GIGYF2: variants seen among roughly 807,000 people sequenced by gnomAD.
The protein encoded by GIGYF2 is GRB10 interacting GYF protein 2.
A neutral mutation model predicts 208.1 loss-of-function variants in GIGYF2; 25 were observed. The ratio of observed to expected loss-of-function variants is 0.12; its 90% CI spans 0.09 to 0.17. GIGYF2 has a LOEUF of 0.17. Ranked by LOEUF, GIGYF2 falls within the 10% of genes least tolerant of loss-of-function variation. The pLI is 1.00. For missense variants in GIGYF2, 1,302 were observed against 1,579.4 expected (o/e 0.82, Z 2.98); for synonymous variants, 534 against 543.8 (o/e 0.98, Z 0.25).
At chr2:232,711,724 T>TATATATATATATATAC in intron 2 of GIGYF2, among the ~76,000 whole-genome samples, 1 of 148,264 alleles carries the variant, frequency 6.7e-6, no homozygotes, top group East Asian at 2.0e-4. Context: ...TATATATATA[T>TATATATATATATATAC]ATAGTTGTAA....
chr2:232,833,608 A>G (rs1466554291), intron 22 of GIGYF2, among the ~76,000 whole-genome samples: 1 of 152,230 alleles, frequency 6.6e-6, no homozygotes, highest in Non-Finnish European at 1.5e-5. Context: ...AGGCAAAACA[A>G]GTAAATCTGT....
At chr2:232,729,885 C>A (rs1365221198) in intron 2 of GIGYF2, 3 of 739,242 alleles carry the variant, frequency 4.1e-6, no homozygotes, top group Non-Finnish European at 7.6e-6. Flanking sequence ...CCCATCAGCT[C>A]CAAAGAGATC....
At position 232,815,679 on chromosome 2, in the gene GIGYF2, C is replaced by T. The variant is rs532345734; in HGVS notation, c.2150C>T (p.Thr717Met). Residue 717 changes from threonine (T) to methionine (M), a missense_variant, in exon 19 of 29, where the codon ACG becomes ATG. Thr to Met is a moderately conservative substitution (Grantham distance 81, BLOSUM62 -1). Transcript: ENST00000373563. ...GTATGGGATCTTCCTCTGGACACCA[C>T]GACACCAGGCCCTGCCCTGGAACAG... Reference protein sequence around the residue: ...GSVWDLPLDTTTPGPALEQLQ... With the variant: ...GSVWDLPLDTMTPGPALEQLQ... 8.1e-6 allele frequency: 13 copies of T among 1,608,006 alleles called. No individual in the cohort carries two copies. Among genetic ancestry groups the T allele is most frequent in the South Asian group, 3.3e-5 (3 of 90,982 alleles).
In GIGYF2 at chr2:232,858,795, GGTCAAGGCAGAT is replaced by G. The variant is rs1690669209; in HGVS notation, c.*1939_*1950del. ...CTGGTTCTGTATTTGAGAATGTAGA[GGTCAAGGCAGAT>G]GTCGGTAAGTTTGACCAAATATCTT... On this transcript the variant is annotated 3_prime_UTR_variant, in exon 29 of 29. Coordinates refer to ENST00000373563, the MANE Select transcript of GIGYF2 (RefSeq NM_001103146.3). 3.2e-6 allele frequency: 1 copy of G among 311,240 alleles called. No individual in the cohort carries two copies. Among genetic ancestry groups the G allele is most frequent in the African/African-American group, 2.2e-5 (1 of 45,950 alleles). 19.3% of individuals were successfully genotyped at this position (311,240 alleles called of 1,614,324 possible). A position where few individuals can be genotyped will look rare whatever the true frequency, so the allele number is the denominator to read the frequency against.
intron 28 of GIGYF2, 124 bp from the exon 29 acceptor site, chr2:232,856,669 G>A: frequency 1.3e-6 from 1 of 771,622 alleles, no homozygotes. Context: ...TCCAGCCTGG[G>A]TGACAGAGTG....
Position 232,730,604 on chromosome 2 carries a change from T to TAAA in GIGYF2, c.-43-4541_-43-4539dup, listed in dbSNP as rs35629015. Among the ~76,000 whole-genome samples the TAAA allele has an allele frequency of 4.0e-3, 455 of 113,148 alleles. 8 individuals carry two copies. Among genetic ancestry groups the TAAA allele is most frequent in the African/African-American group, 0.014 (409 of 29,814 alleles). The allele number at this position is 113,148 out of a possible 152,430, so 74.2% of individuals were successfully genotyped here. ...TGGGCAGTAGAGCGAGACTCAGTCTTAAAAAAAAAAAAGGCCGGGCGCGGT... is the reference window on the plus strand; with the variant it reads ...TGGGCAGTAGAGCGAGACTCAGTCTTAAAAAAAAAAAAAAAGGCCGGGCGCGGT... On this transcript the variant is annotated intron_variant, in intron 2 of 28. Coordinates refer to ENST00000373563, the MANE Select transcript of GIGYF2 (RefSeq NM_001103146.3).
chr2:232,770,793 T>C (rs975265480), intron 8 of GIGYF2: 1 of 757,398 alleles, frequency 1.3e-6, no homozygotes, highest in African/African-American at 1.8e-5. Flanking sequence ...TATAGATAAA[T>C]TATTCTGTAA....
At chr2:232,739,364 C>CT (rs1329648133) in intron 3 of GIGYF2, among the ~76,000 whole-genome samples, 5 of 60,134 alleles carry the variant, frequency 8.3e-5, no homozygotes, top group African/African-American at 2.8e-4. Context: ...AAAGCAAACC[C>CT]CCCCCCCCCC....
intron 8 of GIGYF2, among the ~76,000 whole-genome samples, chr2:232,784,623 C>T (rs183304591): frequency 2.6e-5 from 4 of 151,846 alleles, no homozygotes; most frequent in East Asian, 3.9e-4. Context: ...GTGATCTGCC[C>T]GCCTTAGCCT....
chr2:232,834,442 T>C (rs969239953), intron 22 of GIGYF2, among the ~76,000 whole-genome samples: 1 of 152,194 alleles, frequency 6.6e-6, no homozygotes, highest in Non-Finnish European at 1.5e-5. Context: ...TCTGGGAAGT[T>C]TGGAGAGGCT....
chr2:232,792,469 G>T (rs1700098228), intron 12 of GIGYF2, among the ~76,000 whole-genome samples: 1 of 152,132 alleles, frequency 6.6e-6, no homozygotes, highest in Non-Finnish European at 1.5e-5. Flanking sequence ...GGGTGTGATG[G>T]CACGTGCTTG....
intron 14 of GIGYF2, among the ~76,000 whole-genome samples, chr2:232,798,965 CAGGG>C (rs1700307206): frequency 6.7e-6 from 1 of 149,978 alleles, no homozygotes; most frequent in South Asian, 2.1e-4. Flanking sequence ...TTACCATTGC[CAGGG>C]ACTGGAGGAA....
intron 15 of GIGYF2, among the ~76,000 whole-genome samples, chr2:232,808,084 A>G (rs1276148024): frequency 2.0e-5 from 3 of 152,298 alleles, no homozygotes; most frequent in African/African-American, 7.2e-5. Context: ...TTAACCCAGT[A>G]TTTGATTTCA....
At chr2:232,854,435 G>A (rs1312067606) in intron 28 of GIGYF2, among the ~76,000 whole-genome samples, 1 of 152,178 alleles carries the variant, frequency 6.6e-6, no homozygotes, top group Non-Finnish European at 1.5e-5. Context: ...GGAAGTTGCA[G>A]TGAGCCAAGA....
chr2:232,836,696 T>C (rs1257258289), intron 22 of GIGYF2, among the ~76,000 whole-genome samples: 1 of 152,010 alleles, frequency 6.6e-6, no homozygotes, highest in Admixed American at 6.6e-5. Flanking sequence ...GGAGGATTTC[T>C]TCTAGTTTTC....
chr2:232,791,630 A>C (rs1700072665), intron 12 of GIGYF2, among the ~76,000 whole-genome samples, 184 bp downstream of exon 12: 1 of 152,158 alleles, frequency 6.6e-6, no homozygotes, highest in Non-Finnish European at 1.5e-5. Flanking sequence ...TCTCAGAATT[A>C]CCAAAACAGA....
chr2:232,734,822 C>T (rs1341379649), intron 2 of GIGYF2, among the ~76,000 whole-genome samples: 2 of 152,134 alleles, frequency 1.3e-5, no homozygotes, highest in Non-Finnish European at 2.9e-5. Context: ...CTTTCATTCA[C>T]TCCCCATTGT....
At chr2:232,846,756 T>C (rs954404095) in intron 26 of GIGYF2, among the ~76,000 whole-genome samples, 2 of 152,250 alleles carry the variant, frequency 1.3e-5, no homozygotes, top group African/African-American at 4.8e-5. Context: ...CTTTACAAGA[T>C]AGGTGATATT....
chr2:232,845,417 G>C (rs965817054), intron 25 of GIGYF2, among the ~76,000 whole-genome samples: 2 of 152,144 alleles, frequency 1.3e-5, no homozygotes, highest in African/African-American at 4.8e-5. Flanking sequence ...CAAAAAAGTT[G>C]TTAGTACCGT....
Sources: allele counts gnomAD v4.1 joint callset (sites outside exome capture counted in the v4.1 genomes callset), GRCh38; gene constraint gnomAD v4.1.1; transcripts MANE v1.5; gene names NCBI Gene and HGNC (gene_info 2026-07-23, HGNC 2026-07-21).